FA2H: variants seen among roughly 807,000 people sequenced by gnomAD.
FA2H encodes the protein fatty acid 2-hydroxylase.
In FA2H, 22 loss-of-function variants were observed where a neutral mutation model predicts 44.9. The observed-to-expected ratio is 0.49, with a 90% CI of 0.35 to 0.70. FA2H has a LOEUF of 0.70. FA2H is among the 30% of genes least tolerant of loss of function. FA2H has a pLI of 0.01. For missense variants in FA2H, 501 were observed against 504.9 expected, an observed-to-expected ratio of 0.99 and a Z score of 0.07; for synonymous variants, 243 against 213.2, an observed-to-expected ratio of 1.14 and a Z score of -1.22.
At chr16:74,747,350 GAAAGAAAA>G (rs1221998967) in intron 1 of FA2H, among the ~76,000 whole-genome samples, 3 of 151,732 alleles carry the variant, frequency 2.0e-5, no homozygotes, top group Admixed American at 6.6e-5. Flanking sequence ...AAGAAAGAAA[GAAAGAAAA>G]GTGACAAAAT....
At chr16:74,731,549 C>T (rs769460026) in intron 2 of FA2H, among the ~76,000 whole-genome samples, 25 of 152,030 alleles carry the variant, frequency 1.6e-4, no homozygotes, top group Non-Finnish European at 2.2e-4. Flanking sequence ...TGAGACAGGG[C>T]TTGCTCTGTC....
rs544124703 is a variant in FA2H at position 74,774,412 on chromosome 16, T to G, written c.270+74A>C. 243 of 1,398,674 alleles carry G rather than the reference T, an allele frequency of 1.7e-4. No homozygotes were observed. The African/African-American group carries it at 3.3e-3, about 19-fold the overall frequency. The allele number at this position is 1,398,674 out of a possible 1,614,324, so 86.6% of individuals were successfully genotyped here. A position where few individuals can be genotyped will look rare whatever the true frequency, so the allele number is the denominator to read the frequency against. ...ACCTTGGGTCCTGCTAGAGGGCAAG[T>G]GAACGGGGCTCGCCCGGGAGTGGAA... is the stretch of plus-strand genomic sequence containing the variant. On this transcript the variant is annotated intron_variant, in intron 1 of 6. Transcript: ENST00000219368.
chr16:74,772,754 T>C (rs144411649), intron 1 of FA2H, among the ~76,000 whole-genome samples: 7 of 152,294 alleles, frequency 4.6e-5, no homozygotes, highest in African/African-American at 1.7e-4. Flanking sequence ...TCAACCTGGG[T>C]CCAAAAACAT....
chr16:74,735,389 C>T (rs1029793402), intron 2 of FA2H, among the ~76,000 whole-genome samples: 2 of 152,172 alleles, frequency 1.3e-5, no homozygotes, highest in Non-Finnish European at 2.9e-5. Context: ...CACCTGCCTC[C>T]TCCCCCTGAG....
intron 2 of FA2H, among the ~76,000 whole-genome samples, chr16:74,732,045 T>TG (rs1383051890): frequency 2.6e-5 from 4 of 152,018 alleles, no homozygotes; most frequent in African/African-American, 9.7e-5. Flanking sequence ...GCTAATTGTT[T>TG]TTTGTTTGTT....
chr16:74,765,599 C>T (rs188769295), intron 1 of FA2H, among the ~76,000 whole-genome samples: 30 of 152,324 alleles, frequency 2.0e-4, no homozygotes, highest in Middle Eastern at 6.8e-3. Flanking sequence ...CAGGGTCTCA[C>T]TCTGCTGCCC....
At chr16:74,750,863 C>A (rs1301029059) in intron 1 of FA2H, among the ~76,000 whole-genome samples, 1 of 151,784 alleles carries the variant, frequency 6.6e-6, no homozygotes, top group African/African-American at 2.4e-5. Context: ...GCAACCTCAG[C>A]CTCGAGTTCC....
At chr16:74,748,176 TC>T in intron 1 of FA2H, among the ~76,000 whole-genome samples, 1 of 152,354 alleles carries the variant, frequency 6.6e-6, no homozygotes, top group Non-Finnish European at 1.5e-5. Context: ...GCGGCCTTGT[TC>T]CCCTTCTTTA....
chr16:74,727,523 G>T, intron 2 of FA2H, 137 bp from the exon 3 acceptor site: 1 of 917,390 alleles, frequency 1.1e-6, no homozygotes, highest in South Asian at 1.4e-5. Flanking sequence ...CCACCCTCCT[G>T]CTTCAGTGAT....
chr16:74,763,257 A>ATTTT (rs905478781), intron 1 of FA2H, among the ~76,000 whole-genome samples: 3 of 151,470 alleles, frequency 2.0e-5, no homozygotes, highest in Admixed American at 1.3e-4. Flanking sequence ...AACGTTTGGA[A>ATTTT]TTTTTTTTTG....
At chr16:74,737,808 C>G (rs1204861021) in intron 2 of FA2H, among the ~76,000 whole-genome samples, 1 of 152,196 alleles carries the variant, frequency 6.6e-6, no homozygotes, top group Non-Finnish European at 1.5e-5. Flanking sequence ...TTCATGGCCT[C>G]TTTCCCAGCT....
At chr16:74,760,915 A>G (rs1446561652) in intron 1 of FA2H, among the ~76,000 whole-genome samples, 1 of 152,148 alleles carries the variant, frequency 6.6e-6, no homozygotes, top group East Asian at 1.9e-4. Flanking sequence ...AGGTTCCTAC[A>G]TCTACTCCAC....
chr16:74,721,828 C>T (rs921325445), intron 4 of FA2H, among the ~76,000 whole-genome samples: 3 of 152,332 alleles, frequency 2.0e-5, no homozygotes, highest in East Asian at 3.9e-4. Flanking sequence ...CACATTCTGC[C>T]GGTACCCTGG....
At chr16:74,731,203 G>T (rs1264760003) in intron 2 of FA2H, among the ~76,000 whole-genome samples, 9 of 145,394 alleles carry the variant, frequency 6.2e-5, no homozygotes, top group African/African-American at 2.3e-4. Flanking sequence ...TTGCCATCTC[G>T]GCTCATCGTA....
intron 2 of FA2H, among the ~76,000 whole-genome samples, chr16:74,732,061 GT>G (rs1962080940): frequency 6.6e-6 from 1 of 151,902 alleles, no homozygotes; most frequent in Non-Finnish European, 1.5e-5. Flanking sequence ...TTGTTTGTTT[GT>G]TTTTAGAGAC....
rs565385634 is a variant in FA2H at position 74,728,932 on chromosome 16, A to T, written c.364-1546T>A. Among the ~76,000 whole-genome samples, 46 of 128,566 alleles carry T rather than the reference A, an allele frequency of 3.6e-4. 1 individual carries two copies. The South Asian group carries it at 0.011, about 31-fold the overall frequency. 84.3% of individuals were successfully genotyped at this position (128,566 alleles called of 152,430 possible). ...TGAGTAGCTGGGACTACAGGCACGC[A>T]CCACCACGCCCAGCTGATTTTTGTA... On this transcript the variant is annotated intron_variant, in intron 2 of 6. Transcript: ENST00000219368.
At chr16:74,774,162 G>C (rs1003647478) in intron 1 of FA2H, among the ~76,000 whole-genome samples, 2 of 152,136 alleles carry the variant, frequency 1.3e-5, no homozygotes, top group African/African-American at 4.8e-5. Context: ...GCTGGGGACA[G>C]AAACGGGAAT....
chr16:74,741,052 T>G (rs1044826350), intron 1 of FA2H: 3 of 152,118 alleles, frequency 2.0e-5, no homozygotes, highest in African/African-American at 7.2e-5. Flanking sequence ...CACAAAGAGG[T>G]AAAGTCAGAG....
intron 3 of FA2H, among the ~76,000 whole-genome samples, chr16:74,726,963 C>T (rs1961971410): frequency 6.6e-6 from 1 of 152,192 alleles, no homozygotes; most frequent in Non-Finnish European, 1.5e-5. Context: ...CAAAATTGTT[C>T]CCATGCGCAT....
Sources: allele counts gnomAD v4.1 joint callset (sites outside exome capture counted in the v4.1 genomes callset), GRCh38; gene constraint gnomAD v4.1.1; transcripts MANE v1.5; gene names NCBI Gene and HGNC (gene_info 2026-07-23, HGNC 2026-07-21).